Variants in SMCO2 observed in about 807,000 individuals in gnomAD.
The protein encoded by SMCO2 is single-pass membrane protein with coiled-coil domains 2, also known as single-pass membrane and coiled-coil domain-containing protein 2.
Under a neutral mutation model 29.5 loss-of-function variants are expected in SMCO2, and 25 were observed. The ratio of observed to expected loss-of-function variants is 0.85; its 90% confidence interval spans 0.62 to 1.18. The LOEUF is 1.18. Ranked by LOEUF, SMCO2 falls within the 50% of genes most tolerant of loss-of-function variation. The pLI, the probability that SMCO2 is intolerant of heterozygous loss-of-function variation, is 0.00. For missense variants in SMCO2, 348 were observed against 344.5 expected (o/e 1.01, Z -0.08); for synonymous variants, 117 against 123.3 (o/e 0.95, Z 0.34).
intron 4 of SMCO2, among the ~76,000 whole-genome samples, chr12:27,488,074 G>A (rs935901335): frequency 6.6e-6 from 1 of 151,642 alleles, no homozygotes; most frequent in African/African-American, 2.4e-5. Flanking sequence ...GCCAAATTAA[G>A]GTTTTAATTT....
At chr12:27,443,388 G>A in the SMCO2 span, among the ~76,000 whole-genome samples, 1 of 152,166 alleles carries the variant, frequency 6.6e-6, no homozygotes, top group Non-Finnish European at 1.5e-5. Flanking sequence ...GCCCATCTAT[G>A]ACAAACCCAT....
At chr12:27,432,512 A>G in the SMCO2 span, among the ~76,000 whole-genome samples, 1 of 152,226 alleles carries the variant, frequency 6.6e-6, no homozygotes, top group Non-Finnish European at 1.5e-5. Flanking sequence ...ATACAACTAT[A>G]TAAGAAGAAA....
At chr12:27,432,337 A>C in the SMCO2 span, among the ~76,000 whole-genome samples, 1 of 152,178 alleles carries the variant, frequency 6.6e-6, no homozygotes, top group Non-Finnish European at 1.5e-5. Context: ...CAGTTGCTGA[A>C]GCACGTGTCG....
chr12:27,479,146 G>A (rs553087550), intron 4 of SMCO2, among the ~76,000 whole-genome samples: 1 of 152,058 alleles, frequency 6.6e-6, no homozygotes, highest in Non-Finnish European at 1.5e-5. Context: ...AATACCAGCA[G>A]TGGTGCTGAT....
the SMCO2 span, among the ~76,000 whole-genome samples, chr12:27,454,051 C>G: frequency 1.3e-5 from 2 of 152,184 alleles, no homozygotes; most frequent in African/African-American, 4.8e-5. Context: ...GTGGCGCAAT[C>G]ATGGCCCATT....
At chr12:27,498,905 A>C (rs578057088) in intron 7 of SMCO2, among the ~76,000 whole-genome samples, 2 of 150,682 alleles carry the variant, frequency 1.3e-5, no homozygotes, top group South Asian at 4.2e-4. Flanking sequence ...CTTAACATCC[A>C]CTAAGATGAC....
At chr12:27,488,372 G>C in intron 4 of SMCO2, 88 bp from the exon 6 acceptor site, 1 of 806,174 alleles carries the variant, frequency 1.2e-6, no homozygotes, top group Non-Finnish European at 1.8e-6. Flanking sequence ...TATGGGAATG[G>C]TATTTCATTT....
the SMCO2 span, among the ~76,000 whole-genome samples, chr12:27,427,616 G>A: frequency 7.9e-5 from 12 of 152,118 alleles, no homozygotes; most frequent in African/African-American, 1.4e-4. Flanking sequence ...GGGAAAAGAC[G>A]TCAGAAATAG....
At chr12:27,452,422 TGGACAC>T in the SMCO2 span, among the ~76,000 whole-genome samples, 1 of 152,212 alleles carries the variant, frequency 6.6e-6, no homozygotes, top group South Asian at 2.1e-4. Flanking sequence ...CATCCACTGA[TGGACAC>T]TTAGGTTTAT....
At chr12:27,461,244 A>T in the SMCO2 span, among the ~76,000 whole-genome samples, 1 of 151,940 alleles carries the variant, frequency 6.6e-6, no homozygotes, top group Non-Finnish European at 1.5e-5. Flanking sequence ...TTGTTATTTT[A>T]TATTGTTGAA....
chr12:27,426,815 A>AG, the SMCO2 span, among the ~76,000 whole-genome samples: 3 of 152,228 alleles, frequency 2.0e-5, no homozygotes, highest in Non-Finnish European at 2.9e-5. Flanking sequence ...AACCCAACTG[A>AG]GGTAGGGTGT....
chr12:27,441,306 A>G, the SMCO2 span, among the ~76,000 whole-genome samples: 2 of 152,168 alleles, frequency 1.3e-5, no homozygotes, highest in Non-Finnish European at 2.9e-5. Context: ...TTGATAAATA[A>G]GTAATATCTA....
chr12:27,472,917 C>A, intron 3 of SMCO2, 42 bp downstream of exon 3: 1 of 1,397,768 alleles, frequency 7.2e-7, no homozygotes, highest in Non-Finnish European at 9.9e-7. Context: ...TTAAATGACA[C>A]AGTAGGTTGA....
intron 3 of SMCO2, among the ~76,000 whole-genome samples, chr12:27,473,371 G>C (rs117848130): frequency 0.012 from 1,774 of 152,074 alleles, 12 homozygotes; most frequent in Non-Finnish European, 0.018. Context: ...ATCCTCACAT[G>C]GTCTTCTCTT....
rs1031519549 is a variant in SMCO2, at chr12:27,495,720, G to A, written c.548G>A (p.Arg183Lys). Reference sequence around the variant, plus strand: ...GTGGAACTGCTGAGTGCAAAGCTAAGGATGTATCAAATGGAGGCAGAGGAC... The same window carrying A: ...GTGGAACTGCTGAGTGCAAAGCTAAAGATGTATCAAATGGAGGCAGAGGAC... Residue 183 changes from arginine (R) to lysine (K), a missense_variant, in exon 7 of 8, where the codon AGG becomes AAG. Physicochemically the swap from Arg to Lys is conservative, Grantham distance 26 (BLOSUM62 2). Coordinates refer to ENST00000298876, the Ensembl canonical transcript of SMCO2. 24 of 1,531,278 alleles carry A rather than the reference G, an allele frequency of 1.6e-5. 1 individual carries two copies. Among genetic ancestry groups the A allele is most frequent in the Non-Finnish European group, 2.0e-5 (23 of 1,134,200 alleles). 94.9% of individuals were successfully genotyped at this position (1,531,278 alleles called of 1,614,324 possible). A position where few individuals can be genotyped will look rare whatever the true frequency, so the allele number is the denominator to read the frequency against.
chr12:27,449,042 G>A, the SMCO2 span, among the ~76,000 whole-genome samples: 42 of 152,296 alleles, frequency 2.8e-4, no homozygotes, highest in Non-Finnish European at 5.4e-4. Flanking sequence ...GAGGACTAAG[G>A]CCAGCCTAGG....
At chr12:27,483,023 A>C (rs954230247) in intron 4 of SMCO2, among the ~76,000 whole-genome samples, 3 of 152,094 alleles carry the variant, frequency 2.0e-5, no homozygotes, top group African/African-American at 7.2e-5. Context: ...CACCGTGCCC[A>C]GCCAACTCCT....
At chr12:27,491,449 A>G (rs1949734497) in intron 5 of SMCO2, among the ~76,000 whole-genome samples, 1 of 152,206 alleles carries the variant, frequency 6.6e-6, no homozygotes, top group Non-Finnish European at 1.5e-5. Flanking sequence ...TACTCTGTAA[A>G]TAAACTAGGA....
chr12:27,435,270 G>A, the SMCO2 span, among the ~76,000 whole-genome samples: 2 of 93,664 alleles, frequency 2.1e-5, no homozygotes, highest in African/African-American at 8.6e-5. Flanking sequence ...CTATCCACTA[G>A]ATGGCAGCAG....
Sources: gnomAD v4.1 joint callset for allele counts (sites outside exome capture counted in the v4.1 genomes callset) on GRCh38, gnomAD v4.1.1 for gene constraint, MANE v1.5 for transcripts, NCBI Gene and HGNC (gene_info 2026-07-23, HGNC 2026-07-21) for gene names.